Variants in ERC2 observed in about 807,000 individuals in gnomAD.
The protein encoded by ERC2 is ELKS/RAB6-interacting/CAST family member 2.
In ERC2, 42 loss-of-function variants were observed where a neutral mutation model predicts 114.8. The observed-to-expected ratio is 0.37, with a 90% confidence interval of 0.29 to 0.47. ERC2 has a LOEUF of 0.47. Among genes scored for constraint, ERC2 ranks in the 20% least tolerant of loss-of-function variants. The pLI, the probability that ERC2 is intolerant of heterozygous loss-of-function variation, is 0.99. For synonymous variants in ERC2, 454 were observed against 425.5 expected (o/e 1.07, Z -0.82); for missense variants, 939 against 1,150.7 (o/e 0.82, Z 2.66).
intron 13 of ERC2, among the ~76,000 whole-genome samples, chr3:55,911,979 T>C (rs78610403): frequency 0.035 from 5,291 of 152,160 alleles, 196 homozygotes; most frequent in African/African-American, 0.087. Flanking sequence ...GGCACAACAC[T>C]TAAAGGGGCA....
chr3:55,776,064 G>A (rs1259130559), intron 14 of ERC2, among the ~76,000 whole-genome samples: 1 of 152,130 alleles, frequency 6.6e-6, no homozygotes, highest in Non-Finnish European at 1.5e-5. Context: ...GCAAGAGGGG[G>A]CCCTACTGTG....
chr3:55,832,134 C>T (rs1284938123), intron 14 of ERC2, among the ~76,000 whole-genome samples: 1 of 152,244 alleles, frequency 6.6e-6, no homozygotes, highest in Non-Finnish European at 1.5e-5. Context: ...CACCACAACT[C>T]AAGGAGGCCT....
chr3:55,619,922 G>T lies in ERC2; in HGVS notation c.*39+63872C>A, dbSNP rs944888755. 2.0e-5 allele frequency among the ~76,000 whole-genome samples: 3 copies of T among 152,256 alleles called. No homozygotes were observed. The South Asian group carries it at 6.2e-4, about 32-fold the overall frequency. On this transcript the variant is annotated intron_variant, in intron 17 of 17. Coordinates refer to ENST00000288221, the MANE Select transcript of ERC2 (RefSeq NM_015576.3). ...CATCTCTTGAGTTCAAAGACAACTG[G>T]CCTCTCTAGGGGTTTCAATCAAGGG... is the stretch of plus-strand genomic sequence containing the variant.
At chr3:56,185,151 G>A (rs1051289999) in intron 3 of ERC2, 40 of 152,110 alleles carry the variant, frequency 2.6e-4, no homozygotes, top group African/African-American at 9.6e-4. Flanking sequence ...TCTGATCTCA[G>A]AAGCTAAGCA....
chr3:56,420,354 T>C (rs372390662), intron 2 of ERC2, among the ~76,000 whole-genome samples: 189 of 151,840 alleles, frequency 1.2e-3, no homozygotes, highest in African/African-American at 4.4e-3. Context: ...CTGGCTAATT[T>C]TTTAGTAAAG....
At chr3:55,605,637 A>G (rs2058610531) in intron 17 of ERC2, among the ~76,000 whole-genome samples, 1 of 152,250 alleles carries the variant, frequency 6.6e-6, no homozygotes, top group Non-Finnish European at 1.5e-5. Flanking sequence ...TGTCATTCAA[A>G]GAAATTTTTA....
intron 6 of ERC2, among the ~76,000 whole-genome samples, chr3:56,114,077 T>C (rs762874502): frequency 2.0e-5 from 3 of 152,172 alleles, no homozygotes; most frequent in Non-Finnish European, 4.4e-5. Context: ...CAGGAGTTCA[T>C]GCCAAATGGG....
intron 2 of ERC2, among the ~76,000 whole-genome samples, chr3:56,322,724 A>G (rs1216365148): frequency 2.0e-5 from 3 of 152,212 alleles, no homozygotes; most frequent in African/African-American, 7.2e-5. Context: ...GGCGAAGACC[A>G]GTGGTCTCCC....
intron 14 of ERC2, among the ~76,000 whole-genome samples, chr3:55,743,768 TG>T (rs1187472190): frequency 3.3e-5 from 5 of 152,172 alleles, no homozygotes; most frequent in Admixed American, 2.6e-4. Context: ...CAAATGTACC[TG>T]AGTTTGAATC....
chr3:55,775,099 T>C (rs1330911505), intron 14 of ERC2, among the ~76,000 whole-genome samples: 1 of 152,192 alleles, frequency 6.6e-6, no homozygotes, highest in African/African-American at 2.4e-5. Flanking sequence ...TCCCCACACA[T>C]GTCCTCCTGC....
chr3:56,293,315 T>C (rs551252805), intron 3 of ERC2, among the ~76,000 whole-genome samples: 30 of 152,316 alleles, frequency 2.0e-4, no homozygotes, highest in African/African-American at 6.5e-4. Flanking sequence ...TCTTGCTGTA[T>C]TAGAGGTAAA....
intron 2 of ERC2, among the ~76,000 whole-genome samples, chr3:56,310,160 G>A (rs1375693454): frequency 6.6e-6 from 1 of 152,110 alleles, no homozygotes; most frequent in African/African-American, 2.4e-5. Flanking sequence ...AAGGATAATG[G>A]CATGCCCTGT....
chr3:55,710,125 C>T (rs150683910), intron 15 of ERC2, among the ~76,000 whole-genome samples: 41 of 152,196 alleles, frequency 2.7e-4, no homozygotes, highest in African/African-American at 7.9e-4. Flanking sequence ...CCTTTACTAG[C>T]TTTACACGGA....
intron 7 of ERC2, among the ~76,000 whole-genome samples, chr3:56,024,586 G>A (rs997379259): frequency 2.0e-5 from 3 of 152,204 alleles, no homozygotes; most frequent in African/African-American, 4.8e-5. Context: ...GAAAGCCAAG[G>A]TAAGGCATAC....
chr3:56,025,545 C>A (rs1415461758), intron 7 of ERC2, among the ~76,000 whole-genome samples: 1 of 152,222 alleles, frequency 6.6e-6, no homozygotes. Context: ...CCACACAGTA[C>A]TTCCCTCCCT....
chr3:56,296,297 G>A lies in ERC2; in HGVS notation c.796C>T (p.Leu266Phe). ...GCCTGCCTGTCATGCTCGGCTTGGAGCCGCCTAAAGTTCTCCTCGGTCAGC... is the reference window on the plus strand; with the variant it reads ...GCCTGCCTGTCATGCTCGGCTTGGAACCGCCTAAAGTTCTCCTCGGTCAGC... ...IELTEENFRR[L>F]QAEHDRQAKE... Residue 266 changes from leucine (L) to phenylalanine (F), a missense_variant, in exon 3 of 18, where the codon CTC becomes TTC. Leu to Phe is a conservative substitution (Grantham distance 22, BLOSUM62 0). This residue lies in a region of ERC2 where 33 missense variants were observed against 75.6 expected (regional missense o/e 0.44). Transcript: ENST00000288221. The A allele has an allele frequency of 6.2e-7, 1 of 1,614,036 alleles. No individual in the cohort carries two copies. The highest frequency in any genetic ancestry group is 8.5e-7 in the Non-Finnish European group (1 of 1,179,898).
intron 14 of ERC2, among the ~76,000 whole-genome samples, chr3:55,876,150 C>A (rs565343477): frequency 3.2e-4 from 49 of 152,314 alleles, no homozygotes; most frequent in African/African-American, 1.2e-3. Flanking sequence ...CCCTTAAAAT[C>A]CTCTGAGTCT....
At chr3:55,748,479 C>A (rs1475454879) in intron 14 of ERC2, among the ~76,000 whole-genome samples, 1 of 152,144 alleles carries the variant, frequency 6.6e-6, no homozygotes, top group Non-Finnish European at 1.5e-5. Context: ...GAGATTGCTA[C>A]CACAGCAGAA....
chr3:56,059,067 A>C (rs899036744), intron 7 of ERC2, among the ~76,000 whole-genome samples: 1 of 150,246 alleles, frequency 6.7e-6, no homozygotes, highest in African/African-American at 2.4e-5. Context: ...CTCCATGAGC[A>C]CATAAAGATA....
Sources: allele counts gnomAD v4.1 joint callset (sites outside exome capture counted in the v4.1 genomes callset), GRCh38; gene constraint gnomAD v4.1.1; regional missense constraint gnomAD v4.1.1; transcripts MANE v1.5; gene names NCBI Gene and HGNC (gene_info 2026-07-23, HGNC 2026-07-21).